Variants in IGF1R observed in about 807,000 individuals in gnomAD.
IGF1R encodes the protein insulin-like growth factor 1 receptor.
In IGF1R, 44 loss-of-function variants were observed where a neutral mutation model predicts 144.6. That is an observed-to-expected ratio of 0.30 (90% CI 0.24 to 0.39). The LOEUF is 0.39. IGF1R is among the 10% of genes least tolerant of loss of function. The pLI is 1.00. For missense variants in IGF1R, 1,355 were observed against 1,833.7 expected (o/e 0.74, Z 4.77); for synonymous variants, 795 against 722.8 (o/e 1.10, Z -1.60).
chr15:98,949,827 C>T (rs1338213210), intron 20 of IGF1R, among the ~76,000 whole-genome samples: 1 of 152,132 alleles, frequency 6.6e-6, no homozygotes, highest in African/African-American at 2.4e-5. Context: ...GCTCTGTGTC[C>T]GTGGACGGTG....
intron 1 of IGF1R, among the ~76,000 whole-genome samples, chr15:98,681,122 T>G (rs545851835): frequency 3.3e-5 from 5 of 152,214 alleles, no homozygotes; most frequent in Non-Finnish European, 7.3e-5. Flanking sequence ...TGTGCATTTC[T>G]TAGAATGCAT....
chr15:98,801,148 C>T (rs899536804), intron 2 of IGF1R, among the ~76,000 whole-genome samples: 1 of 152,184 alleles, frequency 6.6e-6, no homozygotes, highest in Non-Finnish European at 1.5e-5. Flanking sequence ...TGGCCTCCCT[C>T]TCCCCAACCT....
intron 2 of IGF1R, among the ~76,000 whole-genome samples, chr15:98,744,482 G>A (rs188608589): frequency 6.6e-6 from 1 of 152,212 alleles, no homozygotes; most frequent in East Asian, 1.9e-4. Flanking sequence ...TGAAGAAGTA[G>A]AGAAGCATGG....
intron 1 of IGF1R, chr15:98,660,308 A>G (rs1333401575): frequency 6.6e-6 from 1 of 151,998 alleles, no homozygotes; most frequent in African/African-American, 2.4e-5. Flanking sequence ...GTTAGCTGTA[A>G]TTTCACCCTC....
intron 2 of IGF1R, among the ~76,000 whole-genome samples, chr15:98,822,288 C>T (rs1474320848): frequency 6.6e-6 from 1 of 152,138 alleles, no homozygotes; most frequent in Non-Finnish European, 1.5e-5. Context: ...GCGAAGTTTT[C>T]CTGAGTGTGT....
intron 1 of IGF1R, among the ~76,000 whole-genome samples, chr15:98,684,196 CAT>C (rs2053263126): frequency 6.6e-6 from 1 of 152,192 alleles, no homozygotes; most frequent in Non-Finnish European, 1.5e-5. Flanking sequence ...GCTTCTAAGA[CAT>C]AAATTCTGTG....
chr15:98,811,632 TA>T (rs1409180497), intron 2 of IGF1R, among the ~76,000 whole-genome samples: 3 of 151,636 alleles, frequency 2.0e-5, no homozygotes, highest in Non-Finnish European at 4.4e-5. Context: ...CCATAAGAAA[TA>T]AGTCAACTAT....
At chr15:98,671,558 T>TC (rs2052893077) in intron 1 of IGF1R, among the ~76,000 whole-genome samples, 1 of 152,230 alleles carries the variant, frequency 6.6e-6, no homozygotes, top group Non-Finnish European at 1.5e-5. Context: ...TCCTGGCCCT[T>TC]CTCTTTTCTC....
At chr15:98,793,803 A>T (rs1264751224) in intron 2 of IGF1R, among the ~76,000 whole-genome samples, 3 of 152,210 alleles carry the variant, frequency 2.0e-5, no homozygotes, top group African/African-American at 7.2e-5. Flanking sequence ...CTTTTATTTC[A>T]GCCAAGATAA....
At chr15:98,764,482 T>G (rs2055386031) in intron 2 of IGF1R, among the ~76,000 whole-genome samples, 1 of 152,232 alleles carries the variant, frequency 6.6e-6, no homozygotes, top group African/African-American at 2.4e-5. Context: ...GAATTACATA[T>G]GGAAGAATGC....
At chr15:98,772,551 C>T (rs1301339733) in intron 2 of IGF1R, among the ~76,000 whole-genome samples, 1 of 149,746 alleles carries the variant, frequency 6.7e-6, no homozygotes, top group Non-Finnish European at 1.5e-5. Context: ...GGCTGGAGCA[C>T]AGTGGCACAA....
rs148823172 is a variant in IGF1R at position 98,891,406 on chromosome 15, C to T, written c.722C>T (p.Ala241Val). ...CCCGAGTGCCTGGGCAGCTGCAGCGCGCCTGACAACGACACGGCCTGTGTA... is the reference window on the plus strand; with the variant it reads ...CCCGAGTGCCTGGGCAGCTGCAGCGTGCCTGACAACGACACGGCCTGTGTA... ...CHPECLGSCS[A>V]PDNDTACVAC... Residue 241 changes from alanine (A) to valine (V), a missense_variant, in exon 3 of 21, where the codon GCG becomes GTG. Coordinates refer to ENST00000650285, the MANE Select transcript of IGF1R (RefSeq NM_000875.5). The surrounding 1 kb of genome is among the most constrained non-coding windows in gnomAD (Gnocchi z 4.7). 1.2e-5 allele frequency: 19 copies of T among 1,613,312 alleles called. No individual in the cohort carries two copies. Among genetic ancestry groups the T allele is most frequent in the East Asian group, 2.2e-5 (1 of 44,880 alleles).
chr15:98,869,163 A>G (rs960337593), intron 2 of IGF1R, among the ~76,000 whole-genome samples: 1 of 152,302 alleles, frequency 6.6e-6, no homozygotes, highest in Admixed American at 6.5e-5. Context: ...TATTTATTTA[A>G]TAACAGTTGA....
rs2016111140 is a variant in IGF1R, at chr15:98,935,604, A to T, written c.3297+178A>T. On this transcript the variant is annotated intron_variant, in intron 17 of 20. Coordinates refer to ENST00000650285, the MANE Select transcript of IGF1R (RefSeq NM_000875.5). This position sits in a 1 kb window ranked among gnomAD's most constrained non-coding sequence, Gnocchi z 4.2. ...AAAGGATTTCCCCAACTAGAGTCAG[A>T]CTCTGATCTTCGTGAGGGGAACTTC... Among the ~76,000 whole-genome samples the T allele has an allele frequency of 6.6e-6, 1 of 152,006 alleles. No homozygotes were observed. The highest frequency in any genetic ancestry group is 2.4e-5 in the African/African-American group (1 of 41,386).
chr15:98,962,584 T>C lies in IGF1R; in HGVS notation c.*5142T>C, dbSNP rs1037373303. The C allele has an allele frequency of 4.3e-6, 1 of 233,644 alleles. No homozygotes were observed. The highest frequency in any genetic ancestry group is 8.5e-6 in the Non-Finnish European group (1 of 118,120). 14.5% of individuals were successfully genotyped at this position (233,644 alleles called of 1,614,324 possible). The stretch of plus-strand genomic sequence containing the variant: ...TTTGGCCTTCATCTTAGATGACTGG[T>C]TGCGTCATTTGGAGAAGTGAGTGCT... On this transcript the variant is annotated 3_prime_UTR_variant, in exon 21 of 21. Coordinates refer to ENST00000650285, the MANE Select transcript of IGF1R (RefSeq NM_000875.5).
chr15:98,828,767 G>A (rs889446628), intron 2 of IGF1R, among the ~76,000 whole-genome samples: 5 of 146,056 alleles, frequency 3.4e-5, no homozygotes, highest in Non-Finnish European at 6.0e-5. Context: ...TATATTTGCT[G>A]AGCATGGTTT....
chr15:98,660,901 C>T (rs989569103), intron 1 of IGF1R, among the ~76,000 whole-genome samples: 1 of 152,154 alleles, frequency 6.6e-6, no homozygotes, highest in African/African-American at 2.4e-5. Flanking sequence ...GAGGAAGCAT[C>T]TGCAGGCTGG....
intron 10 of IGF1R, among the ~76,000 whole-genome samples, chr15:98,920,969 C>CCGTT (rs2015459785): frequency 6.6e-6 from 1 of 152,212 alleles, no homozygotes; most frequent in Non-Finnish European, 1.5e-5. Flanking sequence ...CTGGGCTGTT[C>CCGTT]CGTTCCCTGC....
At chr15:98,779,451 A>C (rs916846077) in intron 2 of IGF1R, among the ~76,000 whole-genome samples, 6 of 152,222 alleles carry the variant, frequency 3.9e-5, no homozygotes, top group Non-Finnish European at 5.9e-5. Context: ...AATTCATTTA[A>C]TCCTCAGCCT....
Sources: gnomAD v4.1 joint callset for allele counts (sites outside exome capture counted in the v4.1 genomes callset) on GRCh38, gnomAD v4.1.1 for gene constraint, Gnocchi (gnomAD v3.1) non-coding constraint, MANE v1.5 for transcripts, NCBI Gene and HGNC (gene_info 2026-07-23, HGNC 2026-07-21) for gene names.